KANTR: variants seen among roughly 807,000 people sequenced by gnomAD.
KANTR encodes KDM5C adjacent transcript.
chrX:53,095,120 ACT>A (rs1280792271), intron 1 of KANTR, among the ~76,000 whole-genome samples: 2 of 111,886 alleles, frequency 1.8e-5, no homozygotes, highest in East Asian at 5.6e-4. Context: ...TGAAGAGAGA[ACT>A]CTCTTTGCTC....
downstream of KANTR, among the ~76,000 whole-genome samples, chrX:53,146,396 AT>A (rs782240666): frequency 1.8e-5 from 2 of 112,120 alleles, no homozygotes; most frequent in Non-Finnish European, 3.8e-5. Context: ...GGTATCAGTG[AT>A]GGAAGATCAA....
chrX:53,143,146 A>G, downstream of KANTR: 2 of 1,020,553 alleles, frequency 2.0e-6, no homozygotes, highest in Middle Eastern at 2.6e-4. Context: ...CAGCACCTGC[A>G]GACACCAGAA....
intron 2 of KANTR, among the ~76,000 whole-genome samples, chrX:53,138,607 A>G (rs181637618): frequency 0.014 from 1,583 of 109,412 alleles, 34 homozygotes; most frequent in African/African-American, 0.05. Context: ...CGGGAGGCTG[A>G]GGCAGGAGAA....
At chrX:53,104,479 G>A (rs1297569407) in intron 2 of KANTR, among the ~76,000 whole-genome samples, 3 of 109,966 alleles carry the variant, frequency 2.7e-5, no homozygotes, top group African/African-American at 6.6e-5. Context: ...CACCCGCCTC[G>A]GCCTCCCAAA....
At chrX:53,128,819 A>G (rs1439180936), downstream of KANTR, among the ~76,000 whole-genome samples, 5 of 109,224 alleles carry the variant, frequency 4.6e-5, no homozygotes, top group Admixed American at 5.0e-4. Flanking sequence ...CTTACCATAC[A>G]TATTTAACCT....
chrX:53,138,645 C>T (rs1933458268), intron 2 of KANTR, among the ~76,000 whole-genome samples: 2 of 106,766 alleles, frequency 1.9e-5, no homozygotes, highest in Non-Finnish European at 3.9e-5. Flanking sequence ...GTGGAGGTTG[C>T]GGTGAGCTAA....
chrX:53,124,808 T>C (rs782563288), exon 3 of KANTR: 1 of 145,922 alleles, frequency 6.9e-6, no homozygotes, highest in Admixed American at 8.6e-5. Flanking sequence ...AACTCTGAAA[T>C]TTTTTAGACT....
chrX:53,140,815 A>G (rs1379563640), intron 2 of KANTR, among the ~76,000 whole-genome samples: 2 of 112,254 alleles, frequency 1.8e-5, no homozygotes, highest in Non-Finnish European at 3.8e-5. Context: ...TAAAATAATG[A>G]TAAATGTTTT....
intron 2 of KANTR, among the ~76,000 whole-genome samples, chrX:53,134,232 T>C (rs1933393464): frequency 9.0e-6 from 1 of 110,766 alleles, no homozygotes; most frequent in Non-Finnish European, 1.9e-5. Flanking sequence ...CGTGGTGGCA[T>C]GTGCCTGTAA....
chrX:53,115,887 T>C (rs1933116433), intron 2 of KANTR, among the ~76,000 whole-genome samples: 1 of 112,084 alleles, frequency 8.9e-6, no homozygotes, highest in South Asian at 3.7e-4. Context: ...CGTGTATGGA[T>C]TGTTTTTCAA....
chrX:53,102,408 G>C (rs782461736), intron 2 of KANTR, among the ~76,000 whole-genome samples: 1 of 111,925 alleles, frequency 8.9e-6, no homozygotes, highest in South Asian at 3.7e-4. Context: ...TTATGATTTT[G>C]ATCATTTAGA....
At chrX:53,097,061 A>G (rs1178406511) in intron 1 of KANTR, among the ~76,000 whole-genome samples, 1 of 111,423 alleles carries the variant, frequency 9.0e-6, no homozygotes, top group Non-Finnish European at 1.9e-5. Context: ...TGAACCCAGG[A>G]GGCAGGGGTT....
chrX:53,135,081 T>TTCAG, intron 2 of KANTR, among the ~76,000 whole-genome samples: 1 of 111,982 alleles, frequency 8.9e-6, no homozygotes. Flanking sequence ...TCCTAAAGGA[T>TTCAG]TCAGATGCAT....
At chrX:53,128,471 T>C (rs907895441), downstream of KANTR, among the ~76,000 whole-genome samples, 1 of 111,544 alleles carries the variant, frequency 9.0e-6, no homozygotes, top group Non-Finnish European at 1.9e-5. Context: ...AGTTTAACTT[T>C]CTAATGTTAA....
At chrX:53,114,545 GTGTCTGGGTCAGCAGGTAGGTGGACCCGA>G (rs1602119686) in intron 2 of KANTR, among the ~76,000 whole-genome samples, 1 of 112,593 alleles carries the variant, frequency 8.9e-6, no homozygotes, top group African/African-American at 3.2e-5. Flanking sequence ...GGCTGGTCTG[GTGTCTGGGTCAGCAGGTAGGTGGACCCGA>G]TGTCTGGGTC....
chrX:53,128,382 AG>A (rs1450437581), downstream of KANTR, among the ~76,000 whole-genome samples: 1 of 111,583 alleles, frequency 9.0e-6, no homozygotes, highest in Non-Finnish European at 1.9e-5. Context: ...AGAGCCCCTA[AG>A]GAATACACAA....
downstream of KANTR, among the ~76,000 whole-genome samples, chrX:53,146,089 T>C (rs1556819301): frequency 9.0e-6 from 1 of 111,437 alleles, no homozygotes; most frequent in East Asian, 2.8e-4. Flanking sequence ...AAAATCAGAG[T>C]GCCTATCCTC....
At chrX:53,107,302 C>CTTTTTTTTTTT (rs139264757) in intron 2 of KANTR, among the ~76,000 whole-genome samples, 71 of 61,635 alleles carry the variant, frequency 1.2e-3, no homozygotes, top group Admixed American at 2.1e-3. Context: ...ATCCTCTTTG[C>CTTTTTTTTTTT]TTTTTTTTTT....
exon 3 of KANTR, chrX:53,126,466 A>G (rs1442764614): frequency 9.0e-6 from 1 of 111,229 alleles, no homozygotes; most frequent in Non-Finnish European, 1.9e-5. Context: ...CTTTTCAACT[A>G]TGTTTAATCT....
Sources: allele counts gnomAD v4.1 joint callset (sites outside exome capture counted in the v4.1 genomes callset), GRCh38; gene constraint gnomAD v4.1.1; transcripts MANE v1.5; gene names NCBI Gene and HGNC (gene_info 2026-07-23, HGNC 2026-07-21).